AGO1: variants seen among roughly 807,000 people sequenced by gnomAD.
AGO1 encodes protein argonaute-1.
AGO1 carries 11 observed loss-of-function variants against 109.2 expected under a neutral mutation model. The ratio of observed to expected loss-of-function variants is 0.10; its 90% CI spans 0.06 to 0.17. The LOEUF (loss-of-function observed/expected upper bound fraction) is 0.17. AGO1 is among the 10% of genes least tolerant of loss of function. The probability of loss-of-function intolerance (pLI) is 1.00; values close to 1 mark genes in which losing one functional copy is unlikely to be tolerated. For missense variants in AGO1, 574 were observed against 1,140.3 expected (o/e 0.50, Z 7.15); for synonymous variants, 422 against 418.6 (o/e 1.01, Z -0.10).
intron 8 of AGO1, among the ~76,000 whole-genome samples, chr1:35,898,568 G>C (rs1286905070): frequency 6.6e-6 from 1 of 152,164 alleles, no homozygotes; most frequent in African/African-American, 2.4e-5. Context: ...GTTTAACATC[G>C]TGATGAGCTG....
intron 1 of AGO1, among the ~76,000 whole-genome samples, chr1:35,887,390 C>G (rs149759315): frequency 6.6e-6 from 1 of 151,998 alleles, no homozygotes; most frequent in African/African-American, 2.4e-5. Context: ...TTTTTTCTCT[C>G]TTCCCCCCAA....
chr1:35,913,213 G>C (rs1645671372), intron 12 of AGO1, among the ~76,000 whole-genome samples: 1 of 151,824 alleles, frequency 6.6e-6, no homozygotes, highest in Non-Finnish European at 1.5e-5. Context: ...TAGAGATGGG[G>C]TTTCACCATG....
rs1420923125 is a variant in AGO1, at chr1:35,924,405, GA to G, written c.*4800del. 6.6e-6 allele frequency: 1 copy of G among 152,410 alleles called. No homozygotes were observed. Among genetic ancestry groups the G allele is most frequent in the Non-Finnish European group, 1.5e-5 (1 of 68,038 alleles). The allele number at this position is 152,410 out of a possible 1,614,324, so 9.4% of individuals were successfully genotyped here. A position where few individuals can be genotyped will look rare whatever the true frequency, so the allele number is the denominator to read the frequency against. ...AATAATACTGTAGATTGTTATGCAG[GA>G]ATACTTCACAGAGCCTTCATTTATT... On this transcript the variant is annotated 3_prime_UTR_variant, in exon 19 of 19. Coordinates refer to ENST00000373204, the MANE Select transcript of AGO1 (RefSeq NM_012199.5).
intron 15 of AGO1, among the ~76,000 whole-genome samples, chr1:35,915,959 A>G (rs1159999823): frequency 6.6e-6 from 1 of 152,176 alleles, no homozygotes; most frequent in Non-Finnish European, 1.5e-5. Flanking sequence ...TCTGGAGACT[A>G]CATTTGAGGA....
At chr1:35,900,773 G>T (rs1645400255) in intron 8 of AGO1, among the ~76,000 whole-genome samples, 1 of 152,038 alleles carries the variant, frequency 6.6e-6, no homozygotes, top group African/African-American at 2.4e-5. Flanking sequence ...AGCGAGGCAT[G>T]GTGGCGGGTG....
intron 8 of AGO1, among the ~76,000 whole-genome samples, chr1:35,898,213 T>C (rs931594728): frequency 3.3e-5 from 5 of 152,206 alleles, no homozygotes; most frequent in Non-Finnish European, 5.9e-5. Context: ...TTTATTTCTC[T>C]GGAGTATACA....
intron 7 of AGO1, 92 bp from the exon 8 acceptor site, chr1:35,895,030 G>T: frequency 6.9e-7 from 1 of 1,451,284 alleles, no homozygotes; most frequent in Non-Finnish European, 9.2e-7. Context: ...AATGAAAAAG[G>T]AAAAAATCTG....
rs192178564 is a variant in AGO1 at position 35,926,995 on chromosome 1, C to A, written c.*7388C>A. Reference sequence around the variant, plus strand: ...AGTATAATAATATTGAGGGACCTTTCTAGGGAGCCTTTGGTCCTTTGTCCC... The same window carrying A: ...AGTATAATAATATTGAGGGACCTTTATAGGGAGCCTTTGGTCCTTTGTCCC... On this transcript the variant is annotated 3_prime_UTR_variant, in exon 19 of 19. Transcript: ENST00000373204. 21 of 112,808 alleles carry A rather than the reference C, an allele frequency of 1.9e-4. No homozygotes were observed. Among genetic ancestry groups the A allele is most frequent in the Middle Eastern group, 5.7e-3 (1 of 174 alleles). The allele number at this position is 112,808 out of a possible 1,614,324, so 7.0% of individuals were successfully genotyped here.
chr1:35,904,958 GGAT>G (rs1160585730), intron 11 of AGO1, among the ~76,000 whole-genome samples: 1 of 152,134 alleles, frequency 6.6e-6, no homozygotes, highest in Non-Finnish European at 1.5e-5. Context: ...AGTAGTTGGG[GGAT>G]GATGGATGAG....
At chr1:35,910,483 C>T (rs1557618285) in intron 12 of AGO1, among the ~76,000 whole-genome samples, 1 of 152,036 alleles carries the variant, frequency 6.6e-6, no homozygotes, top group Non-Finnish European at 1.5e-5. Flanking sequence ...CACAGCGTAA[C>T]CAGCACCCAG....
At position 35,930,448 on chromosome 1, in the gene AGO1, A is replaced by G. The variant is rs149480174; in HGVS notation, c.*10841A>G. 4.4e-4 allele frequency: 67 copies of G among 152,232 alleles called. No homozygotes were observed. Among genetic ancestry groups the G allele is most frequent in the African/African-American group, 1.5e-3 (63 of 41,540 alleles). 9.4% of individuals were successfully genotyped at this position (152,232 alleles called of 1,614,324 possible). A position where few individuals can be genotyped will look rare whatever the true frequency, so the allele number is the denominator to read the frequency against. Reference sequence around the variant, plus strand: ...TATAGCTGTAGCACAGGCGGGGCCCATTTACGCCGTGCGTTTTCACCCTGG... The same window carrying G: ...TATAGCTGTAGCACAGGCGGGGCCCGTTTACGCCGTGCGTTTTCACCCTGG... On this transcript the variant is annotated 3_prime_UTR_variant, in exon 19 of 19. Transcript: ENST00000373204.
intron 11 of AGO1, among the ~76,000 whole-genome samples, chr1:35,903,593 T>C (rs1645461681): frequency 6.6e-6 from 1 of 152,052 alleles, no homozygotes; most frequent in Non-Finnish European, 1.5e-5. Context: ...CAGTGGTGCG[T>C]GCCTGTAGTC....
At chr1:35,915,281 C>T in intron 14 of AGO1, 67 bp from the exon 15 acceptor site, 1 of 1,471,826 alleles carries the variant, frequency 6.8e-7, no homozygotes, top group South Asian at 1.2e-5. Flanking sequence ...GAAGCCTTTC[C>T]ACAAACCCAT....
At position 35,926,288 on chromosome 1, in the gene AGO1, G is replaced by C. The variant is rs976524051; in HGVS notation, c.*6681G>C. The C allele has an allele frequency of 6.6e-6, 1 of 152,220 alleles. No homozygotes were observed. The highest frequency in any genetic ancestry group is 2.4e-5 in the African/African-American group (1 of 41,444). 9.4% of individuals were successfully genotyped at this position (152,220 alleles called of 1,614,324 possible). On this transcript the variant is annotated 3_prime_UTR_variant, in exon 19 of 19. Coordinates refer to ENST00000373204, the MANE Select transcript of AGO1 (RefSeq NM_012199.5). ...AAAAGACTGGGAGCCTGCATTGTTTGGTCCTGGAGCTCAAGGTTTTCAGTG... is the reference window on the plus strand; with the variant it reads ...AAAAGACTGGGAGCCTGCATTGTTTCGTCCTGGAGCTCAAGGTTTTCAGTG...
At chr1:35,912,932 C>G (rs934269414) in intron 12 of AGO1, among the ~76,000 whole-genome samples, 26 of 151,984 alleles carry the variant, frequency 1.7e-4, no homozygotes, top group African/African-American at 5.8e-4. Flanking sequence ...TTTCTTTTCC[C>G]TTACTCACAC....
exon 1 of AGO1, chr1:35,869,805 CCGTGAGGCAAGCGCCTCAGGAGTG>C (rs1396888493): frequency 6.6e-6 from 1 of 152,102 alleles, no homozygotes; most frequent in Non-Finnish European, 1.5e-5. Context: ...AGAGGGAAGC[CCGTGAGGCAAGCGCCTCAGGAGTG>C]CGTGAGGCCC....
At chr1:35,911,296 T>C (rs1015220368) in intron 12 of AGO1, among the ~76,000 whole-genome samples, 7 of 152,174 alleles carry the variant, frequency 4.6e-5, no homozygotes, top group African/African-American at 1.2e-4. Context: ...ATGAAGATAC[T>C]ATTTGAAGTG....
chr1:35,909,140 CCAAGA>C (rs1297279008), intron 12 of AGO1, among the ~76,000 whole-genome samples: 6 of 152,018 alleles, frequency 3.9e-5, no homozygotes, highest in Non-Finnish European at 7.4e-5. Context: ...TGAATGGGTT[CCAAGA>C]AAGACTTCTT....
chr1:35,909,153 C>A (rs1273561737), intron 12 of AGO1, among the ~76,000 whole-genome samples: 1 of 152,146 alleles, frequency 6.6e-6, no homozygotes, highest in East Asian at 1.9e-4. Context: ...AGAAAGACTT[C>A]TTGTGACTCT....
Sources: gnomAD v4.1 joint callset for allele counts (sites outside exome capture counted in the v4.1 genomes callset) on GRCh38, gnomAD v4.1.1 for gene constraint, MANE v1.5 for transcripts, NCBI Gene and HGNC (gene_info 2026-07-23, HGNC 2026-07-21) for gene names.